TSHZ2: variants seen among roughly 807,000 people sequenced by gnomAD.
TSHZ2 encodes the protein teashirt zinc finger homeobox 2.
A neutral mutation model predicts 74.4 loss-of-function variants in TSHZ2; 21 were observed. The ratio of observed to expected loss-of-function variants is 0.28; its 90% CI spans 0.20 to 0.41. The LOEUF (loss-of-function observed/expected upper bound fraction) is 0.41. Ranked by LOEUF, TSHZ2 falls within the 10% of genes least tolerant of loss-of-function variation. The pLI is 1.00. For synonymous variants in TSHZ2, 540 were observed against 515.3 expected, an observed-to-expected ratio of 1.05 and a Z score of -0.65; for missense variants, 1,244 against 1,293.5, an observed-to-expected ratio of 0.96 and a Z score of 0.59.
At chr20:53,295,380 G>A (rs1991357308) in intron 2 of TSHZ2, among the ~76,000 whole-genome samples, 1 of 152,038 alleles carries the variant, frequency 6.6e-6, no homozygotes, top group Non-Finnish European at 1.5e-5. Flanking sequence ...CCTATCTCAA[G>A]GGGTAGTAAA....
chr20:53,010,354 A>G (rs1043844427), intron 1 of TSHZ2, among the ~76,000 whole-genome samples: 2 of 152,192 alleles, frequency 1.3e-5, no homozygotes, highest in African/African-American at 4.8e-5. Context: ...TATCTGCACA[A>G]TCCTCCATGT....
At chr20:53,269,907 A>G (rs536202557) in intron 2 of TSHZ2, among the ~76,000 whole-genome samples, 1 of 152,336 alleles carries the variant, frequency 6.6e-6, no homozygotes, top group South Asian at 2.1e-4. Context: ...GTAACAATGA[A>G]GTGAAAGGAA....
chr20:53,158,990 A>G (rs1356089298), intron 1 of TSHZ2, among the ~76,000 whole-genome samples: 1 of 152,212 alleles, frequency 6.6e-6, no homozygotes, highest in African/African-American at 2.4e-5. Context: ...ATAACTATAC[A>G]GGGAAAATTA....
intron 2 of TSHZ2, among the ~76,000 whole-genome samples, chr20:53,370,214 G>A (rs156612): frequency 0.43 from 65,468 of 151,880 alleles, 16,357 homozygotes; most frequent in Non-Finnish European, 0.57. Context: ...AGAATCCTGA[G>A]CCGACGAGGG....
chr20:53,405,257 A>AAAAAAAAAAAAAC (rs1982807275), intron 2 of TSHZ2, among the ~76,000 whole-genome samples: 1 of 151,630 alleles, frequency 6.6e-6, no homozygotes, highest in African/African-American at 2.4e-5. Flanking sequence ...TCAAAAAAAA[A>AAAAAAAAAAAAAC]AACAAAGTTG....
intron 1 of TSHZ2, among the ~76,000 whole-genome samples, chr20:53,216,984 G>T (rs1396245855): frequency 6.6e-6 from 1 of 152,186 alleles, no homozygotes; most frequent in Non-Finnish European, 1.5e-5. Context: ...TTCCAAAGAG[G>T]CCGTGTCTTT....
intron 1 of TSHZ2, chr20:53,208,579 G>T (rs1410666921): frequency 6.6e-6 from 1 of 152,050 alleles, no homozygotes; most frequent in Non-Finnish European, 1.5e-5. Flanking sequence ...AACACGTACG[G>T]ATCGCTTACC....
intron 1 of TSHZ2, among the ~76,000 whole-genome samples, chr20:53,095,933 G>A (rs1986028849): frequency 6.6e-6 from 1 of 152,058 alleles, no homozygotes; most frequent in African/African-American, 2.4e-5. Flanking sequence ...TCCTAGGGCT[G>A]GGCTTGACAA....
At chr20:53,479,775 A>C (rs1986095133) in intron 2 of TSHZ2, among the ~76,000 whole-genome samples, 1 of 152,228 alleles carries the variant, frequency 6.6e-6, no homozygotes, top group Non-Finnish European at 1.5e-5. Flanking sequence ...CAGTTGTCAC[A>C]ACTCAGGGGT....
intron 1 of TSHZ2, 67 bp downstream of exon 1, chr20:52,973,400 C>A: frequency 6.5e-7 from 1 of 1,541,504 alleles, no homozygotes; most frequent in Non-Finnish European, 8.8e-7. Flanking sequence ...CTCCTTGCCC[C>A]TGGGTGCCCG....
chr20:53,276,317 C>T (rs1444549494), intron 2 of TSHZ2, among the ~76,000 whole-genome samples: 2 of 151,390 alleles, frequency 1.3e-5, no homozygotes, highest in Admixed American at 6.6e-5. Flanking sequence ...CTAAGGCTTA[C>T]TAGGAATTGG....
rs1986379717 is a variant in TSHZ2, at chr20:53,489,162, T to C, written c.*2027T>C. On this transcript the variant is annotated 3_prime_UTR_variant, in exon 3 of 3. Coordinates refer to ENST00000371497, the MANE Select transcript of TSHZ2 (RefSeq NM_173485.6). The stretch of plus-strand genomic sequence containing the variant: ...GGGTGGCTTTTATGGGATTTACTCA[T>C]GGGCATAGGGAATAGCGGCTCAAAT... The C allele has an allele frequency of 4.4e-6, 2 of 456,150 alleles. No individual in the cohort carries two copies. Among genetic ancestry groups the C allele is most frequent in the East Asian group, 1.4e-4 (2 of 14,412 alleles). 28.3% of individuals were successfully genotyped at this position (456,150 alleles called of 1,614,324 possible). A position where few individuals can be genotyped will look rare whatever the true frequency, so the allele number is the denominator to read the frequency against.
At chr20:53,461,759 A>T (rs145635155) in intron 2 of TSHZ2, among the ~76,000 whole-genome samples, 148 of 152,296 alleles carry the variant, frequency 9.7e-4, no homozygotes, top group African/African-American at 3.5e-3. Flanking sequence ...TTCTGGTCTA[A>T]AATTAACATC....
chr20:53,094,305 T>C (rs1025063298), intron 1 of TSHZ2, among the ~76,000 whole-genome samples: 2 of 152,226 alleles, frequency 1.3e-5, no homozygotes, highest in Non-Finnish European at 2.9e-5. Flanking sequence ...TCATTTTCAT[T>C]AAAAACAATC....
At chr20:53,147,046 GTCT>G (rs1216585910) in intron 1 of TSHZ2, among the ~76,000 whole-genome samples, 3 of 152,164 alleles carry the variant, frequency 2.0e-5, no homozygotes, top group Non-Finnish European at 2.9e-5. Flanking sequence ...ATTCATTGAT[GTCT>G]TCTTCTTCCA....
chr20:53,072,089 G>A (rs905535795), intron 1 of TSHZ2, among the ~76,000 whole-genome samples: 3 of 152,194 alleles, frequency 2.0e-5, no homozygotes, highest in Non-Finnish European at 4.4e-5. Flanking sequence ...TGTCAGTCGC[G>A]CGGAGGCTGG....
chr20:53,287,671 G>C (rs548328021), intron 2 of TSHZ2, among the ~76,000 whole-genome samples: 1 of 152,214 alleles, frequency 6.6e-6, no homozygotes, highest in African/African-American at 2.4e-5. Context: ...ATTAGTTACA[G>C]TGAGTGCCAG....
intron 1 of TSHZ2, among the ~76,000 whole-genome samples, chr20:53,190,991 C>G (rs960961667): frequency 1.3e-5 from 2 of 152,050 alleles, no homozygotes; most frequent in African/African-American, 4.8e-5. Context: ...CTAATGAATG[C>G]TAAAGAAAAA....
rs1986468153 is a variant in TSHZ2, at chr20:53,492,209, A to G, written c.*5074A>G. 6.6e-6 allele frequency: 1 copy of G among 152,238 alleles called. No individual in the cohort carries two copies. The highest frequency in any genetic ancestry group is 1.5e-5 in the Non-Finnish European group (1 of 68,044). 9.4% of individuals were successfully genotyped at this position (152,238 alleles called of 1,614,324 possible). A position where few individuals can be genotyped will look rare whatever the true frequency, so the allele number is the denominator to read the frequency against. ...TAGCTAATATTAACAGAATTTGAAC[A>G]ATCATACAATTATGTCTCAAATGTG... is the stretch of plus-strand genomic sequence containing the variant. On this transcript the variant is annotated 3_prime_UTR_variant, in exon 3 of 3. Coordinates refer to ENST00000371497, the MANE Select transcript of TSHZ2 (RefSeq NM_173485.6).
Sources: allele counts gnomAD v4.1 joint callset (sites outside exome capture counted in the v4.1 genomes callset), GRCh38; gene constraint gnomAD v4.1.1; transcripts MANE v1.5; gene names NCBI Gene and HGNC (gene_info 2026-07-23, HGNC 2026-07-21).